Variants in VPS53 observed in about 807,000 individuals in gnomAD.
The protein encoded by VPS53 is vacuolar protein sorting-associated protein 53 homolog.
In VPS53, 70 loss-of-function variants were observed where a neutral mutation model predicts 107.0. The ratio of observed to expected loss-of-function variants is 0.65; its 90% confidence interval spans 0.54 to 0.80. The LOEUF (loss-of-function observed/expected upper bound fraction) is 0.80, where lower values mean the gene tolerates loss of function less well. Ranked by LOEUF, VPS53 falls within the 30% of genes least tolerant of loss-of-function variation. The pLI, the probability that VPS53 is intolerant of heterozygous loss-of-function variation, is 0.00. For synonymous variants in VPS53, 409 were observed against 393.3 expected, an observed-to-expected ratio of 1.04 and a Z score of -0.47; for missense variants, 917 against 1,049.4, an observed-to-expected ratio of 0.87 and a Z score of 1.74.
In VPS53 at chr17:623,611, A is replaced by AAAAAGAAGC; in HGVS notation, c.1029_1037dup (p.Leu343_Leu345dup). 6.2e-7 allele frequency: 1 copy of AAAAAGAAGC among 1,614,052 alleles called. No homozygotes were observed. The highest frequency in any genetic ancestry group is 8.5e-7 in the Non-Finnish European group (1 of 1,179,936). On this transcript the variant is annotated inframe_insertion, in exon 11 of 22. Coordinates refer to ENST00000437048, the MANE Select transcript of VPS53 (RefSeq NM_001128159.3). ...CAAAGTTAGTTGTTCTTTGAATAGC[A>AAAAAGAAGC]AAAAGAAGCAATTTCACTTCAATTT...
chr17:576,559 C>T (rs994611900), intron 13 of VPS53, among the ~76,000 whole-genome samples: 1 of 150,510 alleles, frequency 6.6e-6, no homozygotes, highest in Non-Finnish European at 1.5e-5. Flanking sequence ...GCACCTAATG[C>T]GTTCCCAGAG....
Position 640,546 on chromosome 17 carries a change from T to C in VPS53, c.609-8918A>G, listed in dbSNP as rs564758618. On this transcript the variant is annotated intron_variant, in intron 7 of 21. Transcript: ENST00000437048. ...CCTATTCAGCCATCTTAGAACTGCC[T>C]ATGTCGCCATGTTCTTCATTTTCAA... is the stretch of plus-strand genomic sequence containing the variant. Among the ~76,000 whole-genome samples, 29 of 152,222 alleles carry C rather than the reference T, an allele frequency of 1.9e-4. No homozygotes were observed. The South Asian group carries it at 6.0e-3, about 32-fold the overall frequency.
At position 601,776 on chromosome 17, in the gene VPS53, T is replaced by TGA; in HGVS notation, c.1218+17_1218+18dup. 1.3e-6 allele frequency: 2 copies of TGA among 1,568,664 alleles called. No homozygotes were observed. Among genetic ancestry groups the TGA allele is most frequent in the Non-Finnish European group, 1.7e-6 (2 of 1,153,984 alleles). On this transcript the variant is annotated intron_variant, in intron 12 of 21. Coordinates refer to ENST00000437048, the MANE Select transcript of VPS53 (RefSeq NM_001128159.3). The stretch of plus-strand genomic sequence containing the variant: ...CGCACATTGGGTAGGTTACCCGTGG[T>TGA]GACGCAAACCAGACTTACTTGATCT...
chr17:547,279 G>A (rs184950616), intron 17 of VPS53, among the ~76,000 whole-genome samples: 1 of 152,130 alleles, frequency 6.6e-6, no homozygotes, highest in East Asian at 1.9e-4. Context: ...TAACTCAAAC[G>A]TCCAATAGAC....
At chr17:526,900 A>G (rs1210463516) in intron 19 of VPS53, among the ~76,000 whole-genome samples, 1 of 152,256 alleles carries the variant, frequency 6.6e-6, no homozygotes, top group Non-Finnish European at 1.5e-5. Flanking sequence ...CTCCTAGAAG[A>G]CAAAGAACCA....
intron 4 of VPS53, chr17:685,018 G>T (rs1972535284): frequency 6.6e-6 from 1 of 152,076 alleles, no homozygotes; most frequent in Non-Finnish European, 1.5e-5. Context: ...GACTAATAAA[G>T]GAAAACAGAT....
At chr17:675,787 A>AC (rs1389505701) in intron 4 of VPS53, 4 of 151,648 alleles carry the variant, frequency 2.6e-5, no homozygotes, top group Non-Finnish European at 5.9e-5. Context: ...AAAAAAAAAA[A>AC]AACTTACTTG....
chr17:645,944 C>T (rs1176736069), intron 7 of VPS53, among the ~76,000 whole-genome samples: 1 of 135,914 alleles, frequency 7.4e-6, no homozygotes, highest in African/African-American at 2.6e-5. Flanking sequence ...CTGGCTCCCA[C>T]ACACATCTCC....
intron 4 of VPS53, among the ~76,000 whole-genome samples, chr17:688,606 G>A (rs1972672020): frequency 6.6e-6 from 1 of 152,084 alleles, no homozygotes; most frequent in Non-Finnish European, 1.5e-5. Context: ...ACAACCAGTA[G>A]CACTCTAGAA....
chr17:574,990 C>G (rs1351140039), intron 13 of VPS53, among the ~76,000 whole-genome samples: 1 of 152,184 alleles, frequency 6.6e-6, no homozygotes, highest in East Asian at 1.9e-4. Context: ...ACAGGGTGCT[C>G]TCAAGGACAA....
chr17:594,142 C>T (rs1967824274), intron 12 of VPS53, among the ~76,000 whole-genome samples: 1 of 151,912 alleles, frequency 6.6e-6, no homozygotes, highest in South Asian at 2.1e-4. Context: ...GGGAACATCA[C>T]ACTCTGGGGA....
chr17:655,277 T>C (rs181877711), intron 6 of VPS53, among the ~76,000 whole-genome samples: 1 of 151,370 alleles, frequency 6.6e-6, no homozygotes, highest in East Asian at 1.9e-4. Flanking sequence ...TGTTCTGATG[T>C]ATCATTCCCT....
intron 15 of VPS53, among the ~76,000 whole-genome samples, chr17:556,243 G>A (rs559021986): frequency 9.2e-5 from 14 of 152,168 alleles, no homozygotes; most frequent in Non-Finnish European, 1.2e-4. Flanking sequence ...TCAAACCACC[G>A]CACTCCAGCC....
intron 4 of VPS53, among the ~76,000 whole-genome samples, chr17:690,483 G>A (rs1331436228): frequency 6.6e-6 from 1 of 152,236 alleles, no homozygotes; most frequent in East Asian, 1.9e-4. Context: ...TTCCAGGTCT[G>A]CGTTCAGACG....
At chr17:614,681 A>G (rs1969053101) in intron 11 of VPS53, among the ~76,000 whole-genome samples, 1 of 152,150 alleles carries the variant, frequency 6.6e-6, no homozygotes. Flanking sequence ...CAGGTGCCGG[A>G]AGACCAGGGT....
At chr17:533,609 G>A (rs1415574657) in intron 18 of VPS53, among the ~76,000 whole-genome samples, 3 of 152,164 alleles carry the variant, frequency 2.0e-5, no homozygotes, top group Non-Finnish European at 2.9e-5. Flanking sequence ...GTTCAACGGC[G>A]TCTCTAGAAA....
chr17:532,573 T>G, intron 19 of VPS53: 6 of 688,018 alleles, frequency 8.7e-6, no homozygotes, highest in African/African-American at 3.7e-5. Context: ...CACTTCTTCT[T>G]ATTGGAGTGT....
intron 4 of VPS53, among the ~76,000 whole-genome samples, chr17:669,709 T>G (rs1461565292): frequency 6.6e-6 from 1 of 150,510 alleles, no homozygotes; most frequent in African/African-American, 2.4e-5. Flanking sequence ...CTGCCCAACA[T>G]GGTGAAACCC....
chr17:631,130 T>A (rs1969941934), intron 8 of VPS53, among the ~76,000 whole-genome samples: 1 of 152,186 alleles, frequency 6.6e-6, no homozygotes, highest in East Asian at 1.9e-4. Context: ...GGCTCCTCAC[T>A]ATATCACTCT....
Sources: allele counts gnomAD v4.1 joint callset (sites outside exome capture counted in the v4.1 genomes callset), GRCh38; gene constraint gnomAD v4.1.1; transcripts MANE v1.5; gene names NCBI Gene and HGNC (gene_info 2026-07-23, HGNC 2026-07-21).